Variants in PTPRD observed in about 807,000 individuals in gnomAD.
PTPRD encodes receptor-type tyrosine-protein phosphatase delta.
PTPRD carries 34 observed loss-of-function variants against 214.5 expected under a neutral mutation model. That is an observed-to-expected ratio of 0.16 (90% confidence interval 0.12 to 0.21). The LOEUF is 0.21. PTPRD is among the 10% of genes least tolerant of loss of function. The pLI, the probability that PTPRD is intolerant of heterozygous loss-of-function variation, is 1.00. For synonymous variants in PTPRD, 1,128 were observed against 845.7 expected, an observed-to-expected ratio of 1.33 and a Z score of -5.79; for missense variants, 2,545 against 2,398.7, an observed-to-expected ratio of 1.06 and a Z score of -1.27.
At chr9:8,523,488 G>A in intron 19 of PTPRD, 25 bp downstream of exon 19, 1 of 1,611,526 alleles carries the variant, frequency 6.2e-7, no homozygotes, top group South Asian at 1.1e-5. Context: ...TTGTAAGGTG[G>A]GTAAAAAGTA....
intron 9 of PTPRD, among the ~76,000 whole-genome samples, chr9:9,197,888 G>A (rs940832253): frequency 6.6e-6 from 1 of 152,098 alleles, no homozygotes; most frequent in Non-Finnish European, 1.5e-5. Flanking sequence ...CAAGCTTCAG[G>A]AAAATAATTG....
intron 10 of PTPRD, among the ~76,000 whole-genome samples, chr9:9,022,310 A>G (rs1299388408): frequency 6.6e-6 from 1 of 152,054 alleles, no homozygotes; most frequent in Non-Finnish European, 1.5e-5. Flanking sequence ...CATATTACTC[A>G]CTGCTCACTC....
chr9:9,081,290 T>C (rs1450515622), intron 10 of PTPRD, among the ~76,000 whole-genome samples: 2 of 152,170 alleles, frequency 1.3e-5, no homozygotes, highest in African/African-American at 2.4e-5. Flanking sequence ...TCAGTTTCCA[T>C]GTAGTTGTTC....
chr9:8,370,280 A>T (rs572859809), intron 39 of PTPRD, among the ~76,000 whole-genome samples: 114 of 152,062 alleles, frequency 7.5e-4, no homozygotes, highest in Non-Finnish European at 1.2e-3. Context: ...CAAATATCTG[A>T]CAACCTTTAC....
chr9:9,378,281 T>C (rs1452413542), intron 9 of PTPRD, among the ~76,000 whole-genome samples: 1 of 152,178 alleles, frequency 6.6e-6, no homozygotes, highest in Admixed American at 6.6e-5. Flanking sequence ...TAATACAGTA[T>C]ATATCTTTTT....
At chr9:9,012,071 T>G (rs1335562822) in intron 11 of PTPRD, among the ~76,000 whole-genome samples, 1 of 152,170 alleles carries the variant, frequency 6.6e-6, no homozygotes, top group Non-Finnish European at 1.5e-5. Context: ...AGGTACCATG[T>G]TGTGAGAGGG....
At chr9:9,796,770 G>C (rs1393909505) in intron 5 of PTPRD, among the ~76,000 whole-genome samples, 2 of 152,058 alleles carry the variant, frequency 1.3e-5, no homozygotes, top group East Asian at 1.9e-4. Flanking sequence ...AGGGCCATGA[G>C]GACTGAGAAA....
At chr9:9,423,657 T>A (rs1444666351) in intron 8 of PTPRD, among the ~76,000 whole-genome samples, 2 of 152,086 alleles carry the variant, frequency 1.3e-5, no homozygotes, top group Non-Finnish European at 2.9e-5. Context: ...GCAACAGAGA[T>A]AACTGCATCA....
intron 10 of PTPRD, among the ~76,000 whole-genome samples, chr9:9,081,673 G>A (rs1057150513): frequency 6.6e-6 from 1 of 151,994 alleles, no homozygotes; most frequent in African/African-American, 2.4e-5. Flanking sequence ...ATGAATCTGG[G>A]TGCTCCTGTA....
intron 10 of PTPRD, among the ~76,000 whole-genome samples, chr9:9,091,858 TC>T (rs890496011): frequency 2.6e-4 from 39 of 152,306 alleles, no homozygotes; most frequent in African/African-American, 9.1e-4. Flanking sequence ...TGCTTAAAAC[TC>T]AATTGGGTTT....
At chr9:10,323,518 C>CTGGT (rs1026766632) in intron 3 of PTPRD, among the ~76,000 whole-genome samples, 4 of 151,320 alleles carry the variant, frequency 2.6e-5, no homozygotes, top group African/African-American at 9.7e-5. Context: ...GTTTCTCAGA[C>CTGGT]TGGTCTCAAA....
At chr9:10,190,118 G>C (rs1318221748) in intron 3 of PTPRD, among the ~76,000 whole-genome samples, 2 of 152,004 alleles carry the variant, frequency 1.3e-5, no homozygotes, top group Non-Finnish European at 2.9e-5. Flanking sequence ...CGTAATCCCA[G>C]CATTTTGGGA....
At chr9:9,779,077 A>AC (rs201942223) in intron 5 of PTPRD, among the ~76,000 whole-genome samples, 3,167 of 114,742 alleles carry the variant, frequency 0.028, 168 homozygotes, top group South Asian at 0.052. Flanking sequence ...CATAAGACTG[A>AC]CAAAAAAAAA....
chr9:8,929,321 G>A (rs529856098), intron 11 of PTPRD, among the ~76,000 whole-genome samples: 1 of 152,202 alleles, frequency 6.6e-6, no homozygotes, highest in South Asian at 2.1e-4. Flanking sequence ...TATTGGCTGT[G>A]GGTTTGTCAT....
At chr9:9,728,851 G>GT (rs1037359551) in intron 7 of PTPRD, among the ~76,000 whole-genome samples, 34 of 151,962 alleles carry the variant, frequency 2.2e-4, no homozygotes, top group Admixed American at 2.0e-3. Flanking sequence ...CCTATTTCAT[G>GT]TTTTTTTAGT....
At chr9:8,658,436 C>CAAAGGACATAA (rs2096958178) in intron 12 of PTPRD, among the ~76,000 whole-genome samples, 1 of 152,194 alleles carries the variant, frequency 6.6e-6, no homozygotes, top group Admixed American at 6.5e-5. Flanking sequence ...ATTTTTCCCA[C>CAAAGGACATAA]AAAGGACATA....
At chr9:10,376,626 C>T (rs4741028) in intron 2 of PTPRD, among the ~76,000 whole-genome samples, 68,020 of 151,376 alleles carry the variant, frequency 0.45, 18,128 homozygotes, top group East Asian at 0.82. Flanking sequence ...ATGATCTAAA[C>T]GAACCTATTT....
chr9:8,737,067 G>T (rs1457531840), intron 11 of PTPRD, among the ~76,000 whole-genome samples: 2 of 152,172 alleles, frequency 1.3e-5, no homozygotes, highest in Non-Finnish European at 2.9e-5. Context: ...TGATCACAGA[G>T]ATGGAGACCT....
At chr9:8,789,107 G>C (rs2096118521) in intron 11 of PTPRD, among the ~76,000 whole-genome samples, 1 of 152,130 alleles carries the variant, frequency 6.6e-6, no homozygotes, top group Non-Finnish European at 1.5e-5. Flanking sequence ...ACTGCCTGAA[G>C]GATGACTCCA....
Sources: allele counts gnomAD v4.1 joint callset (sites outside exome capture counted in the v4.1 genomes callset), GRCh38; gene constraint gnomAD v4.1.1; transcripts MANE v1.5; gene names NCBI Gene and HGNC (gene_info 2026-07-23, HGNC 2026-07-21).